SLC7A5: variants seen among roughly 807,000 people sequenced by gnomAD.
SLC7A5 encodes the protein solute carrier family 7 member 5.
Under a neutral mutation model 50.2 loss-of-function variants are expected in SLC7A5, and 23 were observed. That is an observed-to-expected ratio of 0.46 (90% CI 0.33 to 0.65). The LOEUF is 0.65. Ranked by LOEUF, SLC7A5 falls within the 30% of genes least tolerant of loss-of-function variation. The pLI, the probability that SLC7A5 is intolerant of heterozygous loss-of-function variation, is 0.02. For synonymous variants in SLC7A5, 393 were observed against 330.6 expected (o/e 1.19, Z -2.05); for missense variants, 578 against 684.4 (o/e 0.84, Z 1.73).
At position 87,851,868 on chromosome 16, in the gene SLC7A5, GC is replaced by G; in HGVS notation, c.539-20del. The stretch of plus-strand genomic sequence containing the variant: ...AGCAGCACTGTGGAGACAGAGGGCA[GC>G]GGTGAGTTCCACGGGCAGACAGACG... On this transcript the variant is annotated intron_variant, in intron 1 of 9. Transcript: ENST00000261622. 3.1e-6 allele frequency: 5 copies of G among 1,612,548 alleles called. No individual in the cohort carries two copies. In the South Asian group the frequency reaches 5.5e-5, roughly 18 times the overall value.
At position 87,866,496 on chromosome 16, in the gene SLC7A5, C is replaced by T. The variant is rs190291973; in HGVS notation, c.538+2389G>A. On this transcript the variant is annotated intron_variant, in intron 1 of 9. Coordinates refer to ENST00000261622, the MANE Select transcript of SLC7A5 (RefSeq NM_003486.7). ...TTGCTTTTTTTTTGAGATGGAGTTT[C>T]GCCTTGTTGCCCAGGCTGGAGTGCA... is the stretch of plus-strand genomic sequence containing the variant. Among the ~76,000 whole-genome samples, 434 of 151,970 alleles carry T rather than the reference C, an allele frequency of 2.9e-3. 1 individual carries two copies. The highest frequency in any genetic ancestry group is 9.8e-3 in the African/African-American group (405 of 41,466).
At chr16:87,867,455 G>A (rs1430211598) in intron 1 of SLC7A5, among the ~76,000 whole-genome samples, 1 of 152,188 alleles carries the variant, frequency 6.6e-6, no homozygotes, top group Non-Finnish European at 1.5e-5. Flanking sequence ...TGACCTGCAT[G>A]GTGGTGCGGC....
chr16:87,865,972 G>A (rs538514811), intron 1 of SLC7A5, among the ~76,000 whole-genome samples: 5 of 152,266 alleles, frequency 3.3e-5, no homozygotes, highest in East Asian at 1.9e-4. Flanking sequence ...AGTGAGCAAC[G>A]AGCCTGGGCA....
rs2055234240 is a variant in SLC7A5 at position 87,852,110 on chromosome 16, C to G, written c.539-261G>C. On this transcript the variant is annotated intron_variant, in intron 1 of 9. Coordinates refer to ENST00000261622, the MANE Select transcript of SLC7A5 (RefSeq NM_003486.7). This position sits in a 1 kb window ranked among gnomAD's most constrained non-coding sequence, Gnocchi z 4.5. The stretch of plus-strand genomic sequence containing the variant: ...AGATCTGCAAGGGACCTTTCCTCAC[C>G]CCCCACCACACCAGGCCATGGAGTC... Among the ~76,000 whole-genome samples, 1 of 152,288 alleles carries G rather than the reference C, an allele frequency of 6.6e-6. No homozygotes were observed. The highest frequency in any genetic ancestry group is 6.5e-5 in the Admixed American group (1 of 15,304).
intron 2 of SLC7A5, among the ~76,000 whole-genome samples, chr16:87,845,977 A>G (rs934785512): frequency 1.3e-5 from 2 of 152,234 alleles, no homozygotes; most frequent in Non-Finnish European, 2.9e-5. Flanking sequence ...CCCGAGGCCG[A>G]CGGCACAGAA....
intron 8 of SLC7A5, among the ~76,000 whole-genome samples, chr16:87,836,012 G>T (rs373540574): frequency 6.6e-6 from 1 of 152,210 alleles, no homozygotes; most frequent in Non-Finnish European, 1.5e-5. Flanking sequence ...GGACGGCCCC[G>T]TTTTTGGAGA....
chr16:87,856,236 G>T (rs115248994), intron 1 of SLC7A5, among the ~76,000 whole-genome samples: 1 of 152,228 alleles, frequency 6.6e-6, no homozygotes. Flanking sequence ...TGTGTTCCGC[G>T]CACGGTTTCA....
chr16:87,855,428 ACCC>A (rs2055303828), intron 1 of SLC7A5, among the ~76,000 whole-genome samples: 1 of 151,522 alleles, frequency 6.6e-6, no homozygotes, highest in South Asian at 2.1e-4. Context: ...CCGCTGGCTG[ACCC>A]CCCAACTCTG....
At chr16:87,837,714 G>A (rs1197109816) in intron 7 of SLC7A5, 131 bp downstream of exon 7, 4 of 704,164 alleles carry the variant, frequency 5.7e-6, no homozygotes, top group African/African-American at 1.8e-5. Flanking sequence ...AGCGGAGCTC[G>A]GCAGGAGGCC....
rs2055006823 is a variant in SLC7A5, at chr16:87,836,591, G to A, written c.1197C>T (p.Phe399=). ...FSKDIFSVIN[F]FSFFNWLCVA... ...CGCAGAGCCAGTTGAAGAAGCTGAA[G>A]AAGTTGATGACGGAGAAGATGTCCT... Residue 399 remains phenylalanine, a synonymous_variant, in exon 8 of 10, where the codon TTC becomes TTT. Coordinates refer to ENST00000261622, the MANE Select transcript of SLC7A5 (RefSeq NM_003486.7). 6.2e-7 allele frequency: 1 copy of A among 1,613,760 alleles called. No homozygotes were observed. Among genetic ancestry groups the A allele is most frequent in the African/African-American group, 1.3e-5 (1 of 75,078 alleles).
chr16:87,857,072 C>G (rs1260240743), intron 1 of SLC7A5, among the ~76,000 whole-genome samples: 1 of 152,218 alleles, frequency 6.6e-6, no homozygotes, highest in East Asian at 1.9e-4. Flanking sequence ...CCAACCTCAC[C>G]CCAGAATGGG....
chr16:87,838,765 A>G lies in SLC7A5; in HGVS notation c.992T>C (p.Val331Ala). 1 of 1,614,084 alleles carries G rather than the reference A, an allele frequency of 6.2e-7. No individual in the cohort carries two copies. The highest frequency in any genetic ancestry group is 8.5e-7 in the Non-Finnish European group (1 of 1,180,026). Residue 331 changes from valine (V) to alanine (A), a missense_variant, in exon 6 of 10, where the codon GTG becomes GCG. Transcript: ENST00000261622. The stretch of plus-strand genomic sequence containing the variant: ...GACGGAGCCGAAGCAGGACAGGCCC[A>G]CGAAGACGGGGATGATCCAGGACAT... Reference protein sequence around the residue: ...GVMSWIIPVFVGLSCFGSVNG... With the variant: ...GVMSWIIPVFAGLSCFGSVNG...
At position 87,853,974 on chromosome 16, in the gene SLC7A5, T is replaced by C. The variant is rs2055275613; in HGVS notation, c.539-2125A>G. 6.6e-6 allele frequency: 1 copy of C among 152,324 alleles called. No homozygotes were observed. Among genetic ancestry groups the C allele is most frequent in the South Asian group, 2.1e-4 (1 of 4,822 alleles). 9.4% of individuals were successfully genotyped at this position (152,324 alleles called of 1,614,324 possible). A position where few individuals can be genotyped will look rare whatever the true frequency, so the allele number is the denominator to read the frequency against. The stretch of plus-strand genomic sequence containing the variant: ...AGGAAGGGCAGCGAGTTGCCCAGAA[T>C]TGCCCAACCACGGGCTGTCCTGCCA... On this transcript the variant is annotated intron_variant, in intron 1 of 9. Transcript: ENST00000261622. The surrounding 1 kb of genome is among the most constrained non-coding windows in gnomAD (Gnocchi z 4.4).
chr16:87,845,045 C>T (rs8052118), intron 2 of SLC7A5, among the ~76,000 whole-genome samples: 4 of 151,942 alleles, frequency 2.6e-5, no homozygotes, highest in Admixed American at 6.6e-5. Context: ...CCTGGAGCCA[C>T]GGGCAGCTGG....
At position 87,868,976 on chromosome 16, in the gene SLC7A5, G is replaced by T. The variant is rs1156368686; in HGVS notation, c.447C>A (p.Ala149=). 1.9e-6 allele frequency: 3 copies of T among 1,611,296 alleles called. No individual in the cohort carries two copies. The highest frequency in any genetic ancestry group is 2.2e-5 in the South Asian group (2 of 90,952). Residue 149 remains alanine, a synonymous_variant, in exon 1 of 10, where the codon GCC becomes GCA. Transcript: ENST00000261622. ...TGAGCAGGTAGGTGGCGAAGACCAGGGCCACGATGTACTGCGATGAAGGCC... is the reference window on the plus strand; with the variant it reads ...TGAGCAGGTAGGTGGCGAAGACCAGTGCCACGATGTACTGCGATGAAGGCC... The part of the protein sequence containing the change: ...IIRPSSQYIV[A]LVFATYLLKP...
At chr16:87,848,441 G>C (rs575366281) in intron 2 of SLC7A5, among the ~76,000 whole-genome samples, 1 of 152,340 alleles carries the variant, frequency 6.6e-6, no homozygotes, top group South Asian at 2.1e-4. Flanking sequence ...CAGCCTGCGA[G>C]TGGACTCATG....
intron 6 of SLC7A5, 126 bp from the exon 7 acceptor site, chr16:87,838,067 G>C: frequency 9.1e-6 from 7 of 772,650 alleles, no homozygotes; most frequent in Non-Finnish European, 1.3e-5. Flanking sequence ...GGCCACAGTG[G>C]GAACCAGGCC....
chr16:87,837,146 C>T (rs929410815), intron 7 of SLC7A5, among the ~76,000 whole-genome samples: 1 of 152,224 alleles, frequency 6.6e-6, no homozygotes, highest in Non-Finnish European at 1.5e-5. Context: ...GAGTAGTAAG[C>T]AAGGGCCAGG....
In SLC7A5 at chr16:87,860,188, C is replaced by G. The variant is rs1310242435; in HGVS notation, c.539-8339G>C. The stretch of plus-strand genomic sequence containing the variant: ...GTCTCTACTAAAAACACAAAATTAG[C>G]TGGGCATGGTGGTGCATGCCTGTAG... On this transcript the variant is annotated intron_variant, in intron 1 of 9. Coordinates refer to ENST00000261622, the MANE Select transcript of SLC7A5 (RefSeq NM_003486.7). The surrounding 1 kb of genome is among the most constrained non-coding windows in gnomAD (Gnocchi z 4.8). Among the ~76,000 whole-genome samples, 2 of 151,848 alleles carry G rather than the reference C, an allele frequency of 1.3e-5. No homozygotes were observed. The highest frequency in any genetic ancestry group is 2.4e-5 in the African/African-American group (1 of 41,306).
Sources: gnomAD v4.1 joint callset for allele counts (sites outside exome capture counted in the v4.1 genomes callset) on GRCh38, gnomAD v4.1.1 for gene constraint, Gnocchi (gnomAD v3.1) non-coding constraint, MANE v1.5 for transcripts, NCBI Gene and HGNC (gene_info 2026-07-23, HGNC 2026-07-21) for gene names.